The following SPOCK1 variants were observed in gnomAD, a reference collection of about 807,000 sequenced individuals.
SPOCK1 encodes the protein testican-1.
SPOCK1 carries 23 observed loss-of-function variants against 55.3 expected under a neutral mutation model. That is an observed-to-expected ratio of 0.42 (90% CI 0.30 to 0.59). SPOCK1 has a LOEUF of 0.59. Ranked by LOEUF, SPOCK1 falls within the 20% of genes least tolerant of loss-of-function variation. The probability of loss-of-function intolerance (pLI) is 0.22; values close to 1 mark genes in which losing one functional copy is unlikely to be tolerated. For synonymous variants in SPOCK1, 226 were observed against 221.0 expected, an observed-to-expected ratio of 1.02 and a Z score of -0.20; for missense variants, 499 against 552.5, an observed-to-expected ratio of 0.90 and a Z score of 0.97.
At chr5:137,268,781 A>G (rs1270932730) in intron 2 of SPOCK1, among the ~76,000 whole-genome samples, 1 of 152,210 alleles carries the variant, frequency 6.6e-6, no homozygotes, top group African/African-American at 2.4e-5. Flanking sequence ...CTCTCCACAT[A>G]CAGAGGATGG....
At chr5:137,066,987 C>CACACACACACAGAGAGAGAGAGAGAGAG (rs1343691789) in intron 6 of SPOCK1, among the ~76,000 whole-genome samples, 9 of 139,584 alleles carry the variant, frequency 6.4e-5, no homozygotes, top group Non-Finnish European at 1.2e-4. Context: ...CACACACACA[C>CACACACACACAGAGAGAGAGAGAGAGAG]AGAGAGAGAG....
intron 2 of SPOCK1, among the ~76,000 whole-genome samples, chr5:137,312,615 C>G (rs1223285820): frequency 6.6e-6 from 1 of 152,130 alleles, no homozygotes; most frequent in African/African-American, 2.4e-5. Context: ...GAGCCCACAG[C>G]TGTCAGGAAT....
chr5:137,138,616 C>T (rs10061094), intron 4 of SPOCK1, among the ~76,000 whole-genome samples: 107,566 of 151,282 alleles, frequency 0.71, 38,606 homozygotes, highest in Middle Eastern at 0.75. Context: ...TCCCTCCATC[C>T]GAGAAGAAAG....
At chr5:137,203,587 T>A (rs1403888873) in intron 3 of SPOCK1, among the ~76,000 whole-genome samples, 2 of 152,178 alleles carry the variant, frequency 1.3e-5, no homozygotes, top group Non-Finnish European at 2.9e-5. Context: ...TTTCTTAGGA[T>A]GACATTACCA....
At chr5:137,385,974 A>G (rs1005954621) in intron 2 of SPOCK1, among the ~76,000 whole-genome samples, 2 of 152,176 alleles carry the variant, frequency 1.3e-5, no homozygotes, top group African/African-American at 4.8e-5. Flanking sequence ...GAATGGCCAT[A>G]CTCCAGTGCA....
chr5:136,990,475 A>G (rs1263206487), intron 7 of SPOCK1, among the ~76,000 whole-genome samples: 1 of 151,736 alleles, frequency 6.6e-6, no homozygotes, highest in Non-Finnish European at 1.5e-5. Flanking sequence ...TGTAAACTCT[A>G]TTGCTTTAAA....
At chr5:137,037,738 C>T (rs1241229206) in intron 6 of SPOCK1, among the ~76,000 whole-genome samples, 5 of 152,090 alleles carry the variant, frequency 3.3e-5, no homozygotes, top group East Asian at 1.9e-4. Context: ...TACATAAATA[C>T]GCGTTGGGAA....
chr5:137,452,219 G>A (rs971881683), intron 2 of SPOCK1, among the ~76,000 whole-genome samples: 24 of 152,248 alleles, frequency 1.6e-4, no homozygotes, highest in African/African-American at 4.3e-4. Context: ...ATTTACATTC[G>A]TGGTATATAA....
At chr5:137,169,969 A>T (rs1191868663) in intron 3 of SPOCK1, among the ~76,000 whole-genome samples, 2 of 152,220 alleles carry the variant, frequency 1.3e-5, no homozygotes, top group Non-Finnish European at 2.9e-5. Context: ...TCAAAATTTT[A>T]CAGGGAAAAG....
At chr5:137,126,588 C>T (rs1431885036) in intron 4 of SPOCK1, among the ~76,000 whole-genome samples, 1 of 152,122 alleles carries the variant, frequency 6.6e-6, no homozygotes, top group East Asian at 1.9e-4. Flanking sequence ...CATGGAGAAA[C>T]TCCATCTCTA....
At chr5:137,370,990 A>C (rs1751189335) in intron 2 of SPOCK1, among the ~76,000 whole-genome samples, 1 of 152,208 alleles carries the variant, frequency 6.6e-6, no homozygotes, top group Admixed American at 6.5e-5. Context: ...CATGCCTGTC[A>C]ATGGCCACCA....
At chr5:137,145,970 A>G (rs931050252) in intron 3 of SPOCK1, among the ~76,000 whole-genome samples, 4 of 152,196 alleles carry the variant, frequency 2.6e-5, no homozygotes, top group Non-Finnish European at 4.4e-5. Flanking sequence ...CTGGTCCTGA[A>G]GGGCCTTGGA....
intron 6 of SPOCK1, among the ~76,000 whole-genome samples, chr5:137,044,691 G>A (rs1190124821): frequency 1.3e-5 from 2 of 151,286 alleles, no homozygotes; most frequent in African/African-American, 4.9e-5. Context: ...TGTGCACATT[G>A]TGCAGGTTAG....
intron 3 of SPOCK1, among the ~76,000 whole-genome samples, chr5:137,174,153 A>T (rs1436191362): frequency 6.6e-6 from 1 of 152,216 alleles, no homozygotes; most frequent in South Asian, 2.1e-4. Flanking sequence ...AGGGAACAAG[A>T]GGAAGTTTAA....
rs142859940 is a variant in SPOCK1 at position 137,266,933 on chromosome 5, T to C, written c.232+77A>G. ...CGCTAGCTGGCCCTTGTGGGAACAT[T>C]AACTCAGCATGCAAGGAAGGAAAAA... On this transcript the variant is annotated intron_variant, in intron 3 of 10. Coordinates refer to ENST00000394945, the MANE Select transcript of SPOCK1 (RefSeq NM_004598.4). 1.3e-3 allele frequency: 1,788 copies of C among 1,332,820 alleles called. 10 individuals are homozygous for C. In the African/African-American group the frequency reaches 0.014, roughly 10 times the overall value. The allele number at this position is 1,332,820 out of a possible 1,614,324, so 82.6% of individuals were successfully genotyped here.
intron 2 of SPOCK1, among the ~76,000 whole-genome samples, chr5:137,420,854 G>A (rs1279767105): frequency 3.3e-5 from 5 of 152,090 alleles, no homozygotes; most frequent in African/African-American, 9.7e-5. Context: ...GAATGTGTTT[G>A]TTCTTGCTTC....
At chr5:137,398,069 T>C (rs1417467897) in intron 2 of SPOCK1, among the ~76,000 whole-genome samples, 2 of 151,966 alleles carry the variant, frequency 1.3e-5, no homozygotes, top group Admixed American at 1.3e-4. Context: ...GTCTGGGCCA[T>C]ACCAGCCAGC....
chr5:137,136,685 A>C (rs567869045), intron 4 of SPOCK1, among the ~76,000 whole-genome samples: 2 of 152,258 alleles, frequency 1.3e-5, no homozygotes, highest in East Asian at 3.9e-4. Context: ...CATTACACCA[A>C]ACTAAATTAA....
chr5:137,087,137 C>T (rs539417582), intron 5 of SPOCK1, among the ~76,000 whole-genome samples: 1 of 152,268 alleles, frequency 6.6e-6, no homozygotes, highest in African/African-American at 2.4e-5. Context: ...AGCTTCCTAC[C>T]GGGAATGGTG....
Sources: allele counts gnomAD v4.1 joint callset (sites outside exome capture counted in the v4.1 genomes callset), GRCh38; gene constraint gnomAD v4.1.1; transcripts MANE v1.5; gene names NCBI Gene and HGNC (gene_info 2026-07-23, HGNC 2026-07-21).